The following APOC4 variants were observed in gnomAD, a reference collection of about 807,000 sequenced individuals.
APOC4 encodes apolipoprotein C-IV.
APOC4 carries 10 observed loss-of-function variants against 8.4 expected under a neutral mutation model. The observed-to-expected ratio is 1.19, with a 90% CI of 0.74 to 2.03. The LOEUF (loss-of-function observed/expected upper bound fraction) is 2.03, where lower values mean the gene tolerates loss of function less well. APOC4 is among the 30% of genes most tolerant of loss of function. The probability of loss-of-function intolerance (pLI) is 0.00; values close to 1 mark genes in which losing one functional copy is unlikely to be tolerated. For missense variants in APOC4, 160 were observed against 156.1 expected (o/e 1.02, Z -0.13); for synonymous variants, 59 against 65.8 (o/e 0.90, Z 0.50).
chr19:44,942,398 G>A (rs768801196), intron 1 of APOC4, 45 bp downstream of exon 1: 1 of 1,593,514 alleles, frequency 6.3e-7, no homozygotes, highest in Non-Finnish European at 8.6e-7. Context: ...CACCTGGTGG[G>A]TGTGAGTGTG....
At chr19:44,944,969 T>C in intron 2 of APOC4, 79 bp downstream of exon 2, 1 of 1,531,212 alleles carries the variant, frequency 6.5e-7, no homozygotes, top group Non-Finnish European at 8.8e-7. Context: ...GACCCCTGAG[T>C]CTCAGGGAGG....
chr19:44,945,468 C>G lies in APOC4; in HGVS notation c.*163C>G. The G allele has an allele frequency of 1.5e-6, 1 of 670,842 alleles. No individual in the cohort carries two copies. Among genetic ancestry groups the G allele is most frequent in the Non-Finnish European group, 2.4e-6 (1 of 415,160 alleles). The allele number at this position is 670,842 out of a possible 1,614,324, so 41.6% of individuals were successfully genotyped here. On this transcript the variant is annotated 3_prime_UTR_variant, in exon 3 of 3. Transcript: ENST00000592954. The stretch of plus-strand genomic sequence containing the variant: ...ACAAAAAGAAAAAAAAAAGTTCATA[C>G]TTCTCCAATAAATAAAGTCTCACCT...
intron 1 of APOC4, among the ~76,000 whole-genome samples, chr19:44,943,016 G>A (rs1469737569): frequency 4.6e-5 from 7 of 151,982 alleles, no homozygotes; most frequent in Admixed American, 4.6e-4. Context: ...CCGCCTCCCG[G>A]GTTCACGCCA....
Position 44,945,279 on chromosome 19 carries a change from G to C in APOC4, c.358G>C (p.Val120Leu), listed in dbSNP as rs368014271. The C allele has an allele frequency of 6.2e-6, 10 of 1,613,846 alleles. No homozygotes were observed. Among genetic ancestry groups the C allele is most frequent in the Non-Finnish European group, 8.5e-6 (10 of 1,179,970 alleles). ...GACCCACAGCCTGTGCCCCAGGCTTGTCTGTGGGGACAAGGACCAGGGTTA... is the reference window on the plus strand; with the variant it reads ...GACCCACAGCCTGTGCCCCAGGCTTCTCTGTGGGGACAAGGACCAGGGTTA... ...KKTHSLCPRL[V>L]CGDKDQG Residue 120 changes from valine to leucine, a missense_variant, in exon 3 of 3, where the codon GTC (valine) becomes CTC (leucine). By Grantham distance (32) the Val-to-Leu change is conservative (BLOSUM62 1). Transcript: ENST00000592954.
At chr19:44,945,002 G>A (rs1002018645) in intron 2 of APOC4, 112 bp downstream of exon 2, 4 of 1,521,610 alleles carry the variant, frequency 2.6e-6, no homozygotes, top group Non-Finnish European at 2.7e-6. Flanking sequence ...GAGTGGGGCT[G>A]TGACCCCTAG....
chr19:44,944,953 G>A, intron 2 of APOC4, 63 bp downstream of exon 2: 1 of 1,551,256 alleles, frequency 6.4e-7, no homozygotes, highest in East Asian at 2.3e-5. Context: ...GAGGGGCTGG[G>A]GCCTGGACCC....
At chr19:44,943,008 G>A (rs1393727887) in intron 1 of APOC4, among the ~76,000 whole-genome samples, 4 of 151,674 alleles carry the variant, frequency 2.6e-5, no homozygotes, top group African/African-American at 7.3e-5. Flanking sequence ...TGCAACGTCC[G>A]CCTCCCGGGT....
chr19:44,943,963 C>T (rs892488194), intron 1 of APOC4, among the ~76,000 whole-genome samples: 2 of 152,122 alleles, frequency 1.3e-5, no homozygotes, highest in Non-Finnish European at 2.9e-5. Flanking sequence ...TGTCCAGATG[C>T]GTGGGTAGAA....
At chr19:44,943,060 T>C (rs1055812105) in intron 1 of APOC4, among the ~76,000 whole-genome samples, 2 of 152,262 alleles carry the variant, frequency 1.3e-5, no homozygotes, top group East Asian at 1.9e-4. Flanking sequence ...TAGCTGGGAC[T>C]ACAGGAGCCC....
Position 44,944,053 on chromosome 19 carries a change from C to T in APOC4, c.77-696C>T, listed in dbSNP as rs1045586229. ...GGGGCAGAAAGTCACCTCCTGCTCT[C>T]CCTCCACTGTCCACAGAGGTAGCTC... On this transcript the variant is annotated intron_variant, in intron 1 of 2. Coordinates refer to ENST00000592954, the MANE Select transcript of APOC4 (RefSeq NM_001646.3). Among the ~76,000 whole-genome samples the T allele has an allele frequency of 3.9e-5, 6 of 152,134 alleles. 1 individual carries two copies. Among genetic ancestry groups the T allele is most frequent in the Admixed American group, 3.9e-4 (6 of 15,262 alleles).
intron 1 of APOC4, among the ~76,000 whole-genome samples, chr19:44,943,311 C>T (rs1249308524): frequency 3.3e-5 from 5 of 151,848 alleles, no homozygotes; most frequent in Non-Finnish European, 5.9e-5. Context: ...TCAGGTGATC[C>T]GCCCGCCTTG....
In APOC4 at chr19:44,945,338, G is replaced by C; in HGVS notation, c.*33G>C. Reference sequence around the variant, plus strand: ...ATAAAAGCCAGGTGTGGTTGTGGCGGGTGCCTGTAGTCCCAGCTACTCAGG... The same window carrying C: ...ATAAAAGCCAGGTGTGGTTGTGGCGCGTGCCTGTAGTCCCAGCTACTCAGG... On this transcript the variant is annotated 3_prime_UTR_variant, in exon 3 of 3. Coordinates refer to ENST00000592954, the MANE Select transcript of APOC4 (RefSeq NM_001646.3). 5 of 1,592,776 alleles carry C rather than the reference G, an allele frequency of 3.1e-6. No individual in the cohort carries two copies. The highest frequency in any genetic ancestry group is 3.4e-6 in the Non-Finnish European group (4 of 1,171,676).
At chr19:44,943,066 A>C (rs1300980107) in intron 1 of APOC4, among the ~76,000 whole-genome samples, 4 of 151,782 alleles carry the variant, frequency 2.6e-5, no homozygotes, top group Non-Finnish European at 4.4e-5. Flanking sequence ...GGACTACAGG[A>C]GCCCACCACC....
At position 44,945,368 on chromosome 19, in the gene APOC4, T is replaced by A; in HGVS notation, c.*63T>A. Reference sequence around the variant, plus strand: ...CTGTAGTCCCAGCTACTCAGGAGGCTGAGGTAGGATGATGGCTTGAGCCCA... The same window carrying A: ...CTGTAGTCCCAGCTACTCAGGAGGCAGAGGTAGGATGATGGCTTGAGCCCA... On this transcript the variant is annotated 3_prime_UTR_variant, in exon 3 of 3. Coordinates refer to ENST00000592954, the MANE Select transcript of APOC4 (RefSeq NM_001646.3). 1.3e-6 allele frequency: 2 copies of A among 1,531,954 alleles called. No individual in the cohort carries two copies. Among genetic ancestry groups the A allele is most frequent in the Non-Finnish European group, 1.8e-6 (2 of 1,136,128 alleles). The allele number at this position is 1,531,954 out of a possible 1,614,324, so 94.9% of individuals were successfully genotyped here.
chr19:44,945,450 G>GAAA lies in APOC4; in HGVS notation c.*153_*155dup. The GAAA allele has an allele frequency of 1.5e-6, 1 of 688,358 alleles. No homozygotes were observed. The highest frequency in any genetic ancestry group is 3.2e-5 in the East Asian group (1 of 31,480). 42.6% of individuals were successfully genotyped at this position (688,358 alleles called of 1,614,324 possible). A position where few individuals can be genotyped will look rare whatever the true frequency, so the allele number is the denominator to read the frequency against. On this transcript the variant is annotated 3_prime_UTR_variant, in exon 3 of 3. Coordinates refer to ENST00000592954, the MANE Select transcript of APOC4 (RefSeq NM_001646.3). ...AGATCTCTTGGGGGTAAAACAAAAAGAAAAAAAAAAGTTCATACTTCTCCA... is the reference window on the plus strand; with the variant it reads ...AGATCTCTTGGGGGTAAAACAAAAAGAAAAAAAAAAAAAGTTCATACTTCTCCA...
At chr19:44,942,691 G>T (rs891544772) in intron 1 of APOC4, among the ~76,000 whole-genome samples, 1 of 151,910 alleles carries the variant, frequency 6.6e-6, no homozygotes, top group Admixed American at 6.6e-5. Context: ...ATATTTGAGT[G>T]TGTGGACATG....
At position 44,945,145 on chromosome 19, in the gene APOC4, C is replaced by G. The variant is rs753096367; in HGVS notation, c.224C>G (p.Pro75Arg). 2 of 1,613,586 alleles carry G rather than the reference C, an allele frequency of 1.2e-6. No homozygotes were observed. The highest frequency in any genetic ancestry group is 1.7e-6 in the Non-Finnish European group (2 of 1,179,808). Residue 75 changes from proline (P) to arginine (R), a missense_variant, in exon 3 of 3, where the codon CCG becomes CGG. Coordinates refer to ENST00000592954, the MANE Select transcript of APOC4 (RefSeq NM_001646.3). ...TGATGTCCTCTCTCCTGTAGGAGCC[C>G]GAGCACCTTCCGGGGCTTCATGCAG... The part of the protein sequence containing the change: ...TRDGWQWFWS[P>R]STFRGFMQTY...
At chr19:44,944,951 G>T (rs1217957863) in intron 2 of APOC4, 61 bp downstream of exon 2, 1 of 1,558,006 alleles carries the variant, frequency 6.4e-7, no homozygotes, top group African/African-American at 1.3e-5. Flanking sequence ...AGGAGGGGCT[G>T]GGGCCTGGAC....
At chr19:44,944,600 G>T in intron 1 of APOC4, 149 bp from the exon 2 acceptor site, 1 of 869,760 alleles carries the variant, frequency 1.1e-6, no homozygotes, top group South Asian at 2.0e-5. Flanking sequence ...AGCGGTCAGG[G>T]GACACATAAG....
Sources: allele counts gnomAD v4.1 joint callset (sites outside exome capture counted in the v4.1 genomes callset), GRCh38; gene constraint gnomAD v4.1.1; transcripts MANE v1.5; gene names NCBI Gene and HGNC (gene_info 2026-07-23, HGNC 2026-07-21).